Variants in NR3C1 observed in about 807,000 individuals in gnomAD.
NR3C1 encodes the protein nuclear receptor subfamily 3 group C member 1.
In NR3C1, 14 loss-of-function variants were observed where a neutral mutation model predicts 74.0. That is an observed-to-expected ratio of 0.19 (90% confidence interval 0.12 to 0.30). NR3C1 has a LOEUF of 0.30. Ranked by LOEUF, NR3C1 falls within the 10% of genes least tolerant of loss-of-function variation. The pLI, the probability that NR3C1 is intolerant of heterozygous loss-of-function variation, is 1.00. For synonymous variants in NR3C1, 308 were observed against 332.5 expected (o/e 0.93, Z 0.80); for missense variants, 695 against 909.8 (o/e 0.76, Z 3.04).
At position 143,389,937 on chromosome 5, in the gene NR3C1, C is replaced by G. The variant is rs529767797; in HGVS notation, c.1184+9719G>C. On this transcript the variant is annotated intron_variant, in intron 2 of 8. Coordinates refer to ENST00000394464, the MANE Select transcript of NR3C1 (RefSeq NM_000176.3). Reference sequence around the variant, plus strand: ...TTAGCTCTGAAAACTTATAAATCATCTTTTGGGGAGAAAGAACAAATATCC... The same window carrying G: ...TTAGCTCTGAAAACTTATAAATCATGTTTTGGGGAGAAAGAACAAATATCC... 240 of 979,592 alleles carry G rather than the reference C, an allele frequency of 2.4e-4. 2 individuals carry two copies. The South Asian group carries it at 0.01, about 43-fold the overall frequency. The allele number at this position is 979,592 out of a possible 1,614,324, so 60.7% of individuals were successfully genotyped here. A position where few individuals can be genotyped will look rare whatever the true frequency, so the allele number is the denominator to read the frequency against.
intron 2 of NR3C1, among the ~76,000 whole-genome samples, chr5:143,324,007 T>C (rs1599942277): frequency 1.3e-5 from 2 of 152,126 alleles, no homozygotes; most frequent in African/African-American, 2.4e-5. Context: ...CCTGTGACTT[T>C]GCAGCCTACC....
At chr5:143,359,455 A>G (rs975935876) in intron 2 of NR3C1, among the ~76,000 whole-genome samples, 2 of 152,094 alleles carry the variant, frequency 1.3e-5, no homozygotes, top group Admixed American at 6.5e-5. Context: ...ATCCTCAACA[A>G]AAGTTCTCTC....
intron 1 of NR3C1, among the ~76,000 whole-genome samples, chr5:143,431,737 C>T (rs1393011628): frequency 6.6e-6 from 1 of 152,152 alleles, no homozygotes; most frequent in Non-Finnish European, 1.5e-5. Flanking sequence ...TCCCAGCTGA[C>T]ATCAAAACTT....
At chr5:143,425,141 A>G (rs1751466134) in intron 1 of NR3C1, among the ~76,000 whole-genome samples, 1 of 152,190 alleles carries the variant, frequency 6.6e-6, no homozygotes, top group African/African-American at 2.4e-5. Context: ...TTCAATGAGG[A>G]AAGAATCACC....
At position 143,295,658 on chromosome 5, in the gene NR3C1, G is replaced by A. The variant is rs574483176; in HGVS notation, c.1893-68C>T. On this transcript the variant is annotated intron_variant, in intron 6 of 8. Coordinates refer to ENST00000394464, the MANE Select transcript of NR3C1 (RefSeq NM_000176.3). ...ACTTCCCCCCAAAAAGCACATTTTTGTTTTGTTTTGCAAAACTATGAACTC... is the reference window on the plus strand; with the variant it reads ...ACTTCCCCCCAAAAAGCACATTTTTATTTTGTTTTGCAAAACTATGAACTC... The A allele has an allele frequency of 8.2e-6, 11 of 1,348,054 alleles. No individual in the cohort carries two copies. In the South Asian group the frequency reaches 1.1e-4, roughly 13 times the overall value. 83.5% of individuals were successfully genotyped at this position (1,348,054 alleles called of 1,614,324 possible). A position where few individuals can be genotyped will look rare whatever the true frequency, so the allele number is the denominator to read the frequency against.
At chr5:143,325,753 A>G (rs1824459337) in intron 2 of NR3C1, among the ~76,000 whole-genome samples, 1 of 152,168 alleles carries the variant, frequency 6.6e-6, no homozygotes, top group Admixed American at 6.5e-5. Context: ...TCAAGCATAC[A>G]CTAGGGGTTT....
chr5:143,298,893 C>A, intron 5 of NR3C1, 81 bp from the exon 6 acceptor site: 3 of 1,419,728 alleles, frequency 2.1e-6, no homozygotes, highest in African/African-American at 1.4e-5. Context: ...GCAATGAGAT[C>A]AATTAGCCCT....
At chr5:143,329,230 CA>C (rs1445382787) in intron 2 of NR3C1, among the ~76,000 whole-genome samples, 5 of 152,126 alleles carry the variant, frequency 3.3e-5, no homozygotes, top group Non-Finnish European at 7.4e-5. Flanking sequence ...AGAGAAAGCA[CA>C]GGGGAAACTG....
chr5:143,366,854 G>A (rs1452087512), intron 2 of NR3C1, among the ~76,000 whole-genome samples: 1 of 152,034 alleles, frequency 6.6e-6, no homozygotes, highest in South Asian at 2.1e-4. Flanking sequence ...CTTCACTAGT[G>A]AATTTTACCA....
chr5:143,369,396 A>G (rs569285151), intron 2 of NR3C1, among the ~76,000 whole-genome samples: 1 of 152,358 alleles, frequency 6.6e-6, no homozygotes, highest in South Asian at 2.1e-4. Context: ...TTGTATATGA[A>G]TGTTCTTAAC....
At chr5:143,319,254 A>G (rs1275439404) in intron 2 of NR3C1, among the ~76,000 whole-genome samples, 1 of 152,210 alleles carries the variant, frequency 6.6e-6, no homozygotes, top group African/African-American at 2.4e-5. Context: ...TGACAAAAGG[A>G]TACAGTATCG....
intron 2 of NR3C1, among the ~76,000 whole-genome samples, chr5:143,323,197 C>T (rs757867218): frequency 6.6e-6 from 1 of 152,170 alleles, no homozygotes; most frequent in Non-Finnish European, 1.5e-5. Context: ...CCTTACTAGC[C>T]ATCTGTATTA....
In NR3C1 at chr5:143,320,530, CCT is replaced by C. The variant is rs554813580; in HGVS notation, c.1185-6364_1185-6363del. Among the ~76,000 whole-genome samples the C allele has an allele frequency of 2.8e-3, 423 of 152,236 alleles. 2 individuals carry two copies. The highest frequency in any genetic ancestry group is 8.5e-3 in the Admixed American group (130 of 15,292). On this transcript the variant is annotated intron_variant, in intron 2 of 8. Coordinates refer to ENST00000394464, the MANE Select transcript of NR3C1 (RefSeq NM_000176.3). ...ACTCAGTGTCTCTGGGCTTGGTTTC[CCT>C]GTCTGTAAAACGAAGGTCTTGATTT...
At chr5:143,366,114 A>G (rs1211808592) in intron 2 of NR3C1, among the ~76,000 whole-genome samples, 1 of 152,236 alleles carries the variant, frequency 6.6e-6, no homozygotes, top group Non-Finnish European at 1.5e-5. Flanking sequence ...TAGAAAAAGA[A>G]GAACTAAGTC....
intron 1 of NR3C1, among the ~76,000 whole-genome samples, chr5:143,428,360 C>T (rs1020277092): frequency 6.6e-6 from 1 of 152,210 alleles, no homozygotes; most frequent in African/African-American, 2.4e-5. Flanking sequence ...AAATACTGAT[C>T]TGCTGAGGAC....
chr5:143,380,359 A>T lies in NR3C1; in HGVS notation c.1184+19297T>A, dbSNP rs10042897. ...CTACATTAAGAAAGTAAAGTCCTTT[A>T]CACTGTGGGATTTAATTCACACTGA... On this transcript the variant is annotated intron_variant, in intron 2 of 8. Transcript: ENST00000394464. 4.4e-3 allele frequency among the ~76,000 whole-genome samples: 669 copies of T among 152,326 alleles called. 2 individuals are homozygous for T. The highest frequency in any genetic ancestry group is 0.015 in the African/African-American group (637 of 41,556).
At chr5:143,359,836 T>C (rs1831900057) in intron 2 of NR3C1, among the ~76,000 whole-genome samples, 1 of 152,144 alleles carries the variant, frequency 6.6e-6, no homozygotes, top group South Asian at 2.1e-4. Context: ...GAGAATCACT[T>C]GAACCCAGGA....
chr5:143,366,370 C>T (rs758982069), intron 2 of NR3C1, among the ~76,000 whole-genome samples: 6 of 151,892 alleles, frequency 4.0e-5, no homozygotes, highest in East Asian at 1.9e-4. Context: ...ATTAGCCAGG[C>T]GTGGTGGTGG....
chr5:143,405,341 C>T, upstream of NR3C1: 2 of 985,618 alleles, frequency 2.0e-6, no homozygotes, highest in Non-Finnish European at 2.4e-6. Context: ...CACCTCCCGC[C>T]GCGCTCAGAC....
Sources: allele counts gnomAD v4.1 joint callset (sites outside exome capture counted in the v4.1 genomes callset), GRCh38; gene constraint gnomAD v4.1.1; transcripts MANE v1.5; gene names NCBI Gene and HGNC (gene_info 2026-07-23, HGNC 2026-07-21).